Variants in DCHS2 observed in about 807,000 individuals in gnomAD.
The protein encoded by DCHS2 is dachsous cadherin-related 2, also known as protocadherin-23.
Under a neutral mutation model 182.4 loss-of-function variants are expected in DCHS2, and 142 were observed. That is an observed-to-expected ratio of 0.78 (90% CI 0.68 to 0.89). DCHS2 has a LOEUF of 0.89. Among genes scored for constraint, DCHS2 ranks in the 40% least tolerant of loss-of-function variants. The probability of loss-of-function intolerance (pLI) is 0.00; values close to 1 mark genes in which losing one functional copy is unlikely to be tolerated. For missense variants in DCHS2, 4,319 were observed against 4,198.6 expected, an observed-to-expected ratio of 1.03 and a Z score of -0.79; for synonymous variants, 1,740 against 1,663.3, an observed-to-expected ratio of 1.05 and a Z score of -1.12.
chr4:154,361,329 A>C (rs1705763549), intron 3 of DCHS2, among the ~76,000 whole-genome samples: 2 of 152,150 alleles, frequency 1.3e-5, no homozygotes, highest in South Asian at 4.1e-4. Context: ...AATCTAAAAT[A>C]AAAGTTGAAA....
chr4:154,434,169 C>T (rs1733677811), intron 1 of DCHS2, among the ~76,000 whole-genome samples: 1 of 152,194 alleles, frequency 6.6e-6, no homozygotes, highest in Non-Finnish European at 1.5e-5. Context: ...CATGATGGCT[C>T]ATGCCTGTAA....
chr4:154,236,411 C>T lies in DCHS2; in HGVS notation c.8241G>A (p.Lys2747=). 2 of 1,614,046 alleles carry T rather than the reference C, an allele frequency of 1.2e-6. No homozygotes were observed. Among genetic ancestry groups the T allele is most frequent in the Non-Finnish European group, 1.7e-6 (2 of 1,179,944 alleles). ...ACACAACTGCAAAAGAAAAATGTTTCTTTTCTGCATCTGAAGCTTGGACAG... is the reference window on the plus strand; with the variant it reads ...ACACAACTGCAAAAGAAAAATGTTTTTTTTCTGCATCTGAAGCTTGGACAG... ...TLTVQASDAE[K]KHFSFAVVFV... is the part of the protein sequence containing the mutation. The change falls in exon 20 of 20, where the codon AAG becomes AAA. Residue 2747 remains lysine, a synonymous_variant. Coordinates refer to ENST00000357232, the MANE Select transcript of DCHS2 (RefSeq NM_001358235.2).
At chr4:154,280,238 A>C (rs74960700) in intron 13 of DCHS2, among the ~76,000 whole-genome samples, 1,954 of 152,116 alleles carry the variant, frequency 0.013, 45 homozygotes, top group African/African-American at 0.045. Context: ...ATAATCAAAA[A>C]CTCTCAACAA....
chr4:154,311,403 TA>T (rs140616779), intron 10 of DCHS2, among the ~76,000 whole-genome samples: 39,063 of 149,818 alleles, frequency 0.26, 5,995 homozygotes, highest in South Asian at 0.35. Flanking sequence ...AACAAATTTT[TA>T]TATTTTTTTT....
chr4:154,240,451 T>G (rs1278779081), intron 18 of DCHS2, 86 bp downstream of exon 18: 1 of 1,473,130 alleles, frequency 6.8e-7, no homozygotes, highest in African/African-American at 1.4e-5. Flanking sequence ...TCTATCTGAA[T>G]TAGTCTATCG....
At chr4:154,381,798 T>C (rs1731181027) in intron 1 of DCHS2, among the ~76,000 whole-genome samples, 1 of 151,992 alleles carries the variant, frequency 6.6e-6, no homozygotes. Flanking sequence ...CACAAACAAA[T>C]GGAAAAACAT....
rs962016117 is a variant in DCHS2 at position 154,458,570 on chromosome 4, G to A, written c.2052+30734C>T. 2.0e-5 allele frequency among the ~76,000 whole-genome samples: 3 copies of A among 152,112 alleles called. No individual in the cohort carries two copies. The South Asian group carries it at 6.2e-4, about 32-fold the overall frequency. On this transcript the variant is annotated intron_variant, in intron 1 of 19. Coordinates refer to ENST00000357232, the MANE Select transcript of DCHS2 (RefSeq NM_001358235.2). ...CAGGACTCATGAAATTCTAAAAGTC[G>A]ATGAGCTCAATTTTGAAATAAAATG...
intron 5 of DCHS2, among the ~76,000 whole-genome samples, chr4:154,330,727 T>C (rs969774759): frequency 5.9e-5 from 9 of 152,174 alleles, no homozygotes; most frequent in African/African-American, 2.2e-4. Flanking sequence ...CTCATTTAGG[T>C]AAGTTGCTGA....
At chr4:154,434,744 C>G (rs949142767) in intron 1 of DCHS2, among the ~76,000 whole-genome samples, 1 of 152,118 alleles carries the variant, frequency 6.6e-6, no homozygotes, top group Non-Finnish European at 1.5e-5. Flanking sequence ...GCATGTACTT[C>G]TGATATGATG....
At chr4:154,482,565 G>T (rs982512714) in intron 1 of DCHS2, among the ~76,000 whole-genome samples, 3 of 152,146 alleles carry the variant, frequency 2.0e-5, no homozygotes, top group African/African-American at 7.2e-5. Context: ...AGAAGTGAGC[G>T]AAAAAGACCC....
rs200424299 is a variant in DCHS2, at chr4:154,298,114, A to G, written c.6200T>C (p.Leu2067Ser). The G allele has an allele frequency of 5.6e-6, 9 of 1,614,142 alleles. No homozygotes were observed. The East Asian group carries it at 2.0e-4, about 36-fold the overall frequency. Residue 2067 changes from leucine to serine, a missense_variant, in exon 13 of 20, where the codon TTG becomes TCG. Transcript: ENST00000357232. ...AAAAACCACAGTTCCATTGGGCCCCAAGTCCAGGTCATCAGCTCTCACAAT... is the reference window on the plus strand; with the variant it reads ...AAAAACCACAGTTCCATTGGGCCCCGAGTCCAGGTCATCAGCTCTCACAAT... Reference protein sequence around the residue: ...TVIVRADDLDLGPNGTVVFSF... With the variant: ...TVIVRADDLDSGPNGTVVFSF...
At chr4:154,483,730 C>G (rs925027551) in intron 1 of DCHS2, among the ~76,000 whole-genome samples, 1 of 152,154 alleles carries the variant, frequency 6.6e-6, no homozygotes, top group Non-Finnish European at 1.5e-5. Flanking sequence ...TGCCAACCAT[C>G]TCTCTGGGTT....
At chr4:154,446,073 T>C (rs967183294) in intron 1 of DCHS2, among the ~76,000 whole-genome samples, 1 of 152,256 alleles carries the variant, frequency 6.6e-6, no homozygotes, top group African/African-American at 2.4e-5. Context: ...GAAAGAACTC[T>C]TCACCTTCTC....
At chr4:154,340,255 A>T (rs977710753) in intron 3 of DCHS2, among the ~76,000 whole-genome samples, 4 of 152,226 alleles carry the variant, frequency 2.6e-5, no homozygotes, top group Non-Finnish European at 5.9e-5. Flanking sequence ...CAGAACCATT[A>T]AATGAAGATA....
At position 154,488,886 on chromosome 4, in the gene DCHS2, ATGTGTGTGTGTGTGTCTG is replaced by A. The variant is rs1468140057; in HGVS notation, c.2052+400_2052+417del. ...CACTCTGTTTGACAAAAATATATAT[ATGTGTGTGTGTGTGTCTG>A]TGTGTGTGTGTGTGTGTGTGTGTGT... On this transcript the variant is annotated intron_variant, in intron 1 of 19. Coordinates refer to ENST00000357232, the MANE Select transcript of DCHS2 (RefSeq NM_001358235.2). Among the ~76,000 whole-genome samples, 457 of 118,010 alleles carry A rather than the reference ATGTGTGTGTGTGTGTCTG, an allele frequency of 3.9e-3. 10 individuals carry two copies. Among genetic ancestry groups the A allele is most frequent in the Admixed American group, 0.022 (263 of 11,858 alleles). 77.4% of individuals were successfully genotyped at this position (118,010 alleles called of 152,430 possible). A position where few individuals can be genotyped will look rare whatever the true frequency, so the allele number is the denominator to read the frequency against.
In DCHS2 at chr4:154,314,029, A is replaced by C. The variant is rs76653796; in HGVS notation, c.5260+1719T>G. The stretch of plus-strand genomic sequence containing the variant: ...TATGGTAATTTTCTTTGGTTAATAT[A>C]TGCAAATTTTGAGAGAAATTCTTTT... On this transcript the variant is annotated intron_variant, in intron 10 of 19. Coordinates refer to ENST00000357232, the MANE Select transcript of DCHS2 (RefSeq NM_001358235.2). 5.1e-3 allele frequency among the ~76,000 whole-genome samples: 771 copies of C among 152,318 alleles called. 10 individuals carry two copies. The highest frequency in any genetic ancestry group is 0.018 in the African/African-American group (740 of 41,564).
intron 2 of DCHS2, among the ~76,000 whole-genome samples, chr4:154,372,516 G>A (rs1390061593): frequency 6.6e-6 from 1 of 152,064 alleles, no homozygotes; most frequent in Admixed American, 6.5e-5. Context: ...AGTTGAAATA[G>A]CTTTATCTCA....
chr4:154,300,643 T>C (rs1165537238), intron 12 of DCHS2, among the ~76,000 whole-genome samples: 3 of 151,924 alleles, frequency 2.0e-5, no homozygotes, highest in Non-Finnish European at 4.4e-5. Context: ...TGAGCTGTGA[T>C]TGTGCTGCTG....
Position 154,322,294 on chromosome 4 carries a change from T to G in DCHS2, c.4176+37A>C, listed in dbSNP as rs144704216. ...TTGTAATGAAAGTCAAATGAAATCTTTAGATGTCCTTCCATATTTTATGGT... is the reference window on the plus strand; with the variant it reads ...TTGTAATGAAAGTCAAATGAAATCTGTAGATGTCCTTCCATATTTTATGGT... On this transcript the variant is annotated intron_variant, in intron 8 of 19. Transcript: ENST00000357232. The G allele has an allele frequency of 5.5e-5, 89 of 1,610,682 alleles. No individual in the cohort carries two copies. In the African/African-American group the frequency reaches 8.5e-4, roughly 15 times the overall value.
Sources: gnomAD v4.1 joint callset for allele counts (sites outside exome capture counted in the v4.1 genomes callset) on GRCh38, gnomAD v4.1.1 for gene constraint, MANE v1.5 for transcripts, NCBI Gene and HGNC (gene_info 2026-07-23, HGNC 2026-07-21) for gene names.